CACNA1C: variants seen among roughly 807,000 people sequenced by gnomAD.
CACNA1C encodes the protein voltage-dependent L-type calcium channel subunit alpha-1C.
In CACNA1C, 30 loss-of-function variants were observed where a neutral mutation model predicts 229.0. The observed-to-expected ratio is 0.13, with a 90% CI of 0.10 to 0.18. The LOEUF is 0.18. Ranked by LOEUF, CACNA1C falls within the 10% of genes least tolerant of loss-of-function variation. The probability of loss-of-function intolerance (pLI) is 1.00; values close to 1 mark genes in which losing one functional copy is unlikely to be tolerated. For synonymous variants in CACNA1C, 1,114 were observed against 1,132.5 expected (o/e 0.98, Z 0.33); for missense variants, 1,658 against 2,845.0 (o/e 0.58, Z 9.49).
At chr12:2,234,745 C>T (rs2066665309) in intron 3 of CACNA1C, among the ~76,000 whole-genome samples, 1 of 151,972 alleles carries the variant, frequency 6.6e-6, no homozygotes, top group African/African-American at 2.4e-5. Context: ...CAGTGATCTG[C>T]CCTTGAGAAT....
chr12:2,004,201 C>G, intron 1 of CACNA1C: 3 of 1,572,182 alleles, frequency 1.9e-6, no homozygotes, highest in Non-Finnish European at 2.6e-6. Flanking sequence ...TCCCCCTCAC[C>G]GGGTCCTCAA....
chr12:2,509,859 A>T (rs1860101), intron 8 of CACNA1C, among the ~76,000 whole-genome samples: 10,429 of 152,248 alleles, frequency 0.069, 1,212 homozygotes, highest in African/African-American at 0.24. Context: ...TCATCTGCAC[A>T]TGTCCACAGA....
At chr12:2,171,405 T>G (rs904602033) in intron 3 of CACNA1C, among the ~76,000 whole-genome samples, 7 of 152,080 alleles carry the variant, frequency 4.6e-5, no homozygotes, top group Admixed American at 1.3e-4. Flanking sequence ...GCCTGTTCTC[T>G]CCACGTGCGA....
Position 2,689,906 on chromosome 12 carries a change from AGGGCAAGGAGAGAATGAGTGGCGT to A in CACNA1C, c.6118-983_6118-960del, listed in dbSNP as rs1188615264. The A allele has an allele frequency of 2.0e-5, 3 of 152,334 alleles. No individual in the cohort carries two copies. Among genetic ancestry groups the A allele is most frequent in the Admixed American group, 6.5e-5 (1 of 15,286 alleles). The allele number at this position is 152,334 out of a possible 1,614,324, so 9.4% of individuals were successfully genotyped here. On this transcript the variant is annotated intron_variant, in intron 46 of 46. Transcript: ENST00000399655. The surrounding 1 kb of genome is among the most constrained non-coding windows in gnomAD (Gnocchi z 4.2). Reference sequence around the variant, plus strand: ...CAGGAGTGCCAAAGAAAAACTAAGCAGGGCAAGGAGAGAATGAGTGGCGTGGGCAAGGAGCAAGACAAACAGATG... The same window carrying A: ...CAGGAGTGCCAAAGAAAAACTAAGCAGGGCAAGGAGCAAGACAAACAGATG...
At position 2,551,353 on chromosome 12, in the gene CACNA1C, A is replaced by G. The variant is rs186547953; in HGVS notation, c.1481+1320A>G. ...TATTCCCCCACGGATGGAGCCTGGC[A>G]GTCTCCAGTGGATCTGTCGTTTGCT... On this transcript the variant is annotated intron_variant, in intron 10 of 46. Coordinates refer to ENST00000399655, the MANE Select transcript of CACNA1C (RefSeq NM_000719.7). Among the ~76,000 whole-genome samples the G allele has an allele frequency of 5.3e-5, 8 of 152,360 alleles. No individual in the cohort carries two copies. In the East Asian group the frequency reaches 1.5e-3, roughly 29 times the overall value.
intron 3 of CACNA1C, among the ~76,000 whole-genome samples, chr12:2,254,004 C>T (rs1425123966): frequency 1.3e-5 from 2 of 152,154 alleles, no homozygotes; most frequent in Non-Finnish European, 2.9e-5. Flanking sequence ...GGGAAGGGCT[C>T]AGTCATGGAT....
intron 1 of CACNA1C, among the ~76,000 whole-genome samples, chr12:2,094,196 C>T (rs2072752958): frequency 6.6e-6 from 1 of 152,190 alleles, no homozygotes; most frequent in Non-Finnish European, 1.5e-5. Context: ...TCAGTGGCAT[C>T]CCACTCCACA....
chr12:2,653,036 C>T lies in CACNA1C; in HGVS notation c.4075-799C>T, dbSNP rs904402330. Among the ~76,000 whole-genome samples, 8 of 152,334 alleles carry T rather than the reference C, an allele frequency of 5.3e-5. 1 individual carries two copies. The highest frequency in any genetic ancestry group is 1.7e-4 in the African/African-American group (7 of 41,578). Reference sequence around the variant, plus strand: ...TGACCGGTGGCCACGGCTGAAGCGGCGCCCGGGAACACGGGCTGGGCCTCC... The same window carrying T: ...TGACCGGTGGCCACGGCTGAAGCGGTGCCCGGGAACACGGGCTGGGCCTCC... On this transcript the variant is annotated intron_variant, in intron 32 of 46. Transcript: ENST00000399655. The surrounding 1 kb of genome is among the most constrained non-coding windows in gnomAD (Gnocchi z 4.7).
intron 4 of CACNA1C, among the ~76,000 whole-genome samples, chr12:2,452,037 C>A (rs1033772200): frequency 8.5e-5 from 13 of 152,144 alleles, no homozygotes; most frequent in African/African-American, 3.1e-4. Flanking sequence ...AATGGGTAGC[C>A]CTTTGCTTCC....
intron 30 of CACNA1C, among the ~76,000 whole-genome samples, chr12:2,637,747 G>A (rs1480857408): frequency 6.6e-6 from 1 of 152,230 alleles, no homozygotes; most frequent in African/African-American, 2.4e-5. Flanking sequence ...GCCTTCCCAG[G>A]TATTTTTAGT....
At chr12:2,283,060 G>C (rs1056479505) in intron 3 of CACNA1C, among the ~76,000 whole-genome samples, 6 of 151,106 alleles carry the variant, frequency 4.0e-5, no homozygotes, top group African/African-American at 1.5e-4. Flanking sequence ...TTTCCCAGAA[G>C]TCCCTAGCAT....
intron 3 of CACNA1C, among the ~76,000 whole-genome samples, chr12:2,331,229 A>G: frequency 6.6e-6 from 1 of 152,354 alleles, no homozygotes; most frequent in East Asian, 1.9e-4. Flanking sequence ...TTATTCATCT[A>G]TATCATATGT....
chr12:2,548,063 A>C (rs376277574), intron 9 of CACNA1C, among the ~76,000 whole-genome samples: 2 of 151,110 alleles, frequency 1.3e-5, no homozygotes, highest in East Asian at 3.9e-4. Flanking sequence ...AAAAACTAAA[A>C]ATAAAAAATA....
chr12:2,455,574 A>G (rs2099412518), intron 4 of CACNA1C, among the ~76,000 whole-genome samples: 1 of 152,164 alleles, frequency 6.6e-6, no homozygotes, highest in African/African-American at 2.4e-5. Flanking sequence ...TGTGGCTTGC[A>G]TCAGATTTCT....
chr12:2,677,442 G>C lies in CACNA1C; in HGVS notation c.4956+221G>C, dbSNP rs2096880485. 1.6e-6 allele frequency: 1 copy of C among 619,464 alleles called. No homozygotes were observed. The allele number at this position is 619,464 out of a possible 1,614,324, so 38.4% of individuals were successfully genotyped here. On this transcript the variant is annotated intron_variant, in intron 40 of 46. Transcript: ENST00000399655. The surrounding 1 kb of genome is among the most constrained non-coding windows in gnomAD (Gnocchi z 7.4). ...ACTGCCCTCCATGGTTCTGCCTGCT[G>C]TCATAGCCCCCAGATCTCTCAAATA...
intron 34 of CACNA1C, among the ~76,000 whole-genome samples, 170 bp downstream of exon 34, chr12:2,655,408 A>G (rs752064475): frequency 5.3e-5 from 8 of 152,164 alleles, no homozygotes; most frequent in Admixed American, 3.3e-4. Context: ...GTCATTTATG[A>G]TAACTTTCCA....
chr12:2,337,760 C>T, intron 3 of CACNA1C, among the ~76,000 whole-genome samples: 1 of 152,206 alleles, frequency 6.6e-6, no homozygotes, highest in Non-Finnish European at 1.5e-5. Flanking sequence ...AGTGGGCTGC[C>T]CAGAGGAACT....
chr12:2,316,823 G>A (rs1273001257), intron 3 of CACNA1C, among the ~76,000 whole-genome samples: 1 of 152,204 alleles, frequency 6.6e-6, no homozygotes, highest in Non-Finnish European at 1.5e-5. Flanking sequence ...AGACCCATGT[G>A]CACAGGCACA....
rs143644549 is a variant in CACNA1C, at chr12:2,203,326, G to A, written c.477+82896G>A. 1.8e-3 allele frequency among the ~76,000 whole-genome samples: 281 copies of A among 152,246 alleles called. 1 individual carries two copies. Among genetic ancestry groups the A allele is most frequent in the Non-Finnish European group, 3.2e-3 (220 of 68,016 alleles). On this transcript the variant is annotated intron_variant, in intron 3 of 46. Coordinates refer to ENST00000399655, the MANE Select transcript of CACNA1C (RefSeq NM_000719.7). ...CCTTCTTACAGTCCCCCTCAGTTGT[G>A]GTGCTGTTGGCATTTTTGCAGGGAC...
Sources: gnomAD v4.1 joint callset for allele counts (sites outside exome capture counted in the v4.1 genomes callset) on GRCh38, gnomAD v4.1.1 for gene constraint, Gnocchi (gnomAD v3.1) non-coding constraint, MANE v1.5 for transcripts, NCBI Gene and HGNC (gene_info 2026-07-23, HGNC 2026-07-21) for gene names.